SLC25A21: variants seen among roughly 807,000 people sequenced by gnomAD.
SLC25A21 encodes the protein solute carrier family 25 member 21.
SLC25A21 carries 47 observed loss-of-function variants against 43.8 expected under a neutral mutation model. That is an observed-to-expected ratio of 1.07 (90% CI 0.85 to 1.37). The LOEUF (loss-of-function observed/expected upper bound fraction) is 1.37. Among genes scored for constraint, SLC25A21 ranks in the 40% most tolerant of loss-of-function variants. The probability of loss-of-function intolerance (pLI) is 0.00; values close to 1 mark genes in which losing one functional copy is unlikely to be tolerated. For synonymous variants in SLC25A21, 131 were observed against 121.3 expected (o/e 1.08, Z -0.52); for missense variants, 352 against 350.2 (o/e 1.00, Z -0.04).
intron 1 of SLC25A21, among the ~76,000 whole-genome samples, chr14:36,892,446 A>G (rs544101673): frequency 6.6e-6 from 1 of 152,310 alleles, no homozygotes; most frequent in East Asian, 1.9e-4. Context: ...CTATTAAGCC[A>G]TAAAAAGAAG....
Position 36,838,164 on chromosome 14 carries a change from C to T in SLC25A21, c.120-24163G>A, listed in dbSNP as rs948897515. ...AAATGGGGCTGGCCAGAGGCAGGCA[C>T]AGTGCACACGGCTGCCAGGGCCTCA... is the stretch of plus-strand genomic sequence containing the variant. On this transcript the variant is annotated intron_variant, in intron 2 of 9. Transcript: ENST00000331299. 2.0e-5 allele frequency among the ~76,000 whole-genome samples: 3 copies of T among 152,168 alleles called. No individual in the cohort carries two copies. In the South Asian group the frequency reaches 6.2e-4, roughly 32 times the overall value.
intron 3 of SLC25A21, among the ~76,000 whole-genome samples, chr14:36,810,094 T>C (rs1033413187): frequency 1.3e-5 from 2 of 152,224 alleles, no homozygotes; most frequent in African/African-American, 2.4e-5. Context: ...TTTTATTTTG[T>C]ATTTTAAAAA....
chr14:36,853,874 A>G (rs2138519595), intron 2 of SLC25A21, among the ~76,000 whole-genome samples: 2 of 152,350 alleles, frequency 1.3e-5, no homozygotes, highest in Middle Eastern at 3.4e-3. Flanking sequence ...TGGATTAGAG[A>G]GCACAGTCCA....
intron 3 of SLC25A21, among the ~76,000 whole-genome samples, chr14:36,738,600 C>G (rs1351615140): frequency 6.6e-6 from 1 of 152,228 alleles, no homozygotes; most frequent in African/African-American, 2.4e-5. Context: ...AGGCATCACT[C>G]TACTCTAAAG....
At chr14:36,970,324 T>C (rs1959721593) in intron 1 of SLC25A21, among the ~76,000 whole-genome samples, 2 of 152,004 alleles carry the variant, frequency 1.3e-5, no homozygotes, top group Non-Finnish European at 2.9e-5. Flanking sequence ...TCAAGAAACA[T>C]TTGCTGATGG....
intron 2 of SLC25A21, among the ~76,000 whole-genome samples, chr14:36,864,646 A>G (rs932963931): frequency 1.3e-5 from 2 of 152,180 alleles, no homozygotes; most frequent in African/African-American, 4.8e-5. Context: ...ACCATTCCAC[A>G]CCATTATATG....
At chr14:36,976,538 T>TA (rs144851170) in intron 1 of SLC25A21, among the ~76,000 whole-genome samples, 14,816 of 150,602 alleles carry the variant, frequency 0.098, 1,870 homozygotes, top group African/African-American at 0.3. Flanking sequence ...GGCCTGTAGA[T>TA]AAAAAAAAAC....
chr14:37,116,403 A>G (rs1413937608), intron 1 of SLC25A21, among the ~76,000 whole-genome samples: 1 of 152,194 alleles, frequency 6.6e-6, no homozygotes, highest in Non-Finnish European at 1.5e-5. Context: ...ACTACAAGGC[A>G]TATTTGACTT....
intron 3 of SLC25A21, among the ~76,000 whole-genome samples, chr14:36,770,479 T>C (rs1886578487): frequency 6.6e-6 from 1 of 152,118 alleles, no homozygotes; most frequent in African/African-American, 2.4e-5. Context: ...ACGCAATACA[T>C]GTACAGTAAC....
In SLC25A21 at chr14:36,893,102, C is replaced by T. The variant is rs192854418; in HGVS notation, c.71-18098G>A. ...CTGGGTCAAATGGTATTTCTAGTTC[C>T]AGATCCCTGAGGAATCGCCACACTG... On this transcript the variant is annotated intron_variant, in intron 1 of 9. Transcript: ENST00000331299. Among the ~76,000 whole-genome samples, 356 of 152,192 alleles carry T rather than the reference C, an allele frequency of 2.3e-3. 2 individuals are homozygous for T. Among genetic ancestry groups the T allele is most frequent in the African/African-American group, 7.7e-3 (320 of 41,540 alleles).
chr14:36,784,738 A>T (rs914329659), intron 3 of SLC25A21, among the ~76,000 whole-genome samples: 1 of 152,172 alleles, frequency 6.6e-6, no homozygotes, highest in Non-Finnish European at 1.5e-5. Flanking sequence ...TCCACCAAAG[A>T]GAAGGAGAGG....
intron 1 of SLC25A21, among the ~76,000 whole-genome samples, chr14:37,168,537 C>A (rs1964069209): frequency 6.6e-6 from 1 of 151,746 alleles, no homozygotes; most frequent in South Asian, 2.1e-4. Flanking sequence ...CCCCACCTCA[C>A]CCGCCCCACC....
intron 1 of SLC25A21, among the ~76,000 whole-genome samples, chr14:37,146,527 C>A (rs555368964): frequency 3.9e-5 from 6 of 152,218 alleles, no homozygotes; most frequent in Admixed American, 3.3e-4. Flanking sequence ...GATTACAGGC[C>A]TGAGCCACCA....
intron 6 of SLC25A21, among the ~76,000 whole-genome samples, chr14:36,719,783 AAC>A (rs1594520842): frequency 6.6e-6 from 1 of 152,230 alleles, no homozygotes; most frequent in African/African-American, 2.4e-5. Context: ...ATTTTTTAAA[AAC>A]AGTTTATGGC....
intron 1 of SLC25A21, among the ~76,000 whole-genome samples, chr14:37,140,724 T>C (rs1963555798): frequency 6.6e-6 from 1 of 152,222 alleles, no homozygotes; most frequent in South Asian, 2.1e-4. Context: ...TGAAATAACA[T>C]GCTTCCAAAA....
chr14:36,749,727 C>T lies in SLC25A21; in HGVS notation c.204-15154G>A, dbSNP rs184645173. On this transcript the variant is annotated intron_variant, in intron 3 of 9. Transcript: ENST00000331299. ...CACTCCAGCGCCTTTACACATGCTG[C>T]GCCTTGCCTGGGATCCTCACCTCAC... 6.8e-4 allele frequency among the ~76,000 whole-genome samples: 103 copies of T among 152,294 alleles called. 1 individual carries two copies. The highest frequency in any genetic ancestry group is 2.3e-3 in the African/African-American group (95 of 41,568).
At chr14:36,939,832 T>C (rs1015407859) in intron 1 of SLC25A21, among the ~76,000 whole-genome samples, 6 of 152,114 alleles carry the variant, frequency 3.9e-5, no homozygotes, top group African/African-American at 1.4e-4. Flanking sequence ...AAATCAAAAC[T>C]GAATGAATGG....
chr14:36,734,691 A>C, intron 3 of SLC25A21, 118 bp from the exon 4 acceptor site: 1 of 705,846 alleles, frequency 1.4e-6, no homozygotes, highest in Non-Finnish European at 2.4e-6. Flanking sequence ...CCAATCATGA[A>C]GTCTTCCTTT....
At chr14:36,981,416 T>C (rs967435582) in intron 1 of SLC25A21, among the ~76,000 whole-genome samples, 2 of 152,172 alleles carry the variant, frequency 1.3e-5, no homozygotes, top group African/African-American at 4.8e-5. Flanking sequence ...CTATTCACAA[T>C]AGCAAAGACT....
Sources: gnomAD v4.1 joint callset for allele counts (sites outside exome capture counted in the v4.1 genomes callset) on GRCh38, gnomAD v4.1.1 for gene constraint, MANE v1.5 for transcripts, NCBI Gene and HGNC (gene_info 2026-07-23, HGNC 2026-07-21) for gene names.